Variants in GABRG3 observed in about 807,000 individuals in gnomAD.
GABRG3 encodes gamma-aminobutyric acid receptor subunit gamma-3.
In GABRG3, 25 loss-of-function variants were observed where a neutral mutation model predicts 48.8. That is an observed-to-expected ratio of 0.51 (90% CI 0.37 to 0.72). The LOEUF (loss-of-function observed/expected upper bound fraction) is 0.72. Ranked by LOEUF, GABRG3 falls within the 30% of genes least tolerant of loss-of-function variation. GABRG3 has a pLI of 0.00. For missense variants in GABRG3, 394 were observed against 577.9 expected (o/e 0.68, Z 3.26); for synonymous variants, 227 against 217.6 (o/e 1.04, Z -0.38).
At chr15:27,247,438 G>T (rs932380817) in intron 3 of GABRG3, among the ~76,000 whole-genome samples, 1 of 152,046 alleles carries the variant, frequency 6.6e-6, no homozygotes, top group African/African-American at 2.4e-5. Flanking sequence ...ACCTGGTGTG[G>T]CTGCAGCCAC....
chr15:27,251,534 C>T (rs529195868), intron 3 of GABRG3, among the ~76,000 whole-genome samples: 1 of 152,254 alleles, frequency 6.6e-6, no homozygotes, highest in African/African-American at 2.4e-5. Flanking sequence ...ATTCTTCATA[C>T]ATATAAGTAG....
intron 5 of GABRG3, among the ~76,000 whole-genome samples, chr15:27,333,132 A>G (rs1893854837): frequency 6.6e-6 from 1 of 152,220 alleles, no homozygotes; most frequent in South Asian, 2.1e-4. Context: ...CTTGGCCATA[A>G]TTGTGTATTT....
intron 3 of GABRG3, among the ~76,000 whole-genome samples, chr15:27,216,926 C>T (rs1250545482): frequency 7.1e-6 from 1 of 140,350 alleles, no homozygotes; most frequent in Non-Finnish European, 1.5e-5. Flanking sequence ...ATCCCTGCCC[C>T]CTCCCCCGAC....
intron 3 of GABRG3, among the ~76,000 whole-genome samples, chr15:27,169,156 A>G (rs936842925): frequency 5.3e-5 from 8 of 152,216 alleles, no homozygotes; most frequent in Non-Finnish European, 7.3e-5. Flanking sequence ...CACAGAAAAC[A>G]TACTTGTAGA....
At chr15:27,293,165 AGTTT>A in intron 3 of GABRG3, among the ~76,000 whole-genome samples, 1 of 152,280 alleles carries the variant, frequency 6.6e-6, no homozygotes. Flanking sequence ...AAATTTCCTT[AGTTT>A]GTTTCTACCA....
intron 3 of GABRG3, among the ~76,000 whole-genome samples, chr15:27,184,262 C>T (rs1484470609): frequency 6.6e-6 from 1 of 152,144 alleles, no homozygotes; most frequent in Non-Finnish European, 1.5e-5. Flanking sequence ...GCTGCTGTCT[C>T]CAGGCTGAGA....
intron 3 of GABRG3, among the ~76,000 whole-genome samples, chr15:27,207,366 A>T (rs1888888079): frequency 6.6e-6 from 1 of 152,248 alleles, no homozygotes; most frequent in African/African-American, 2.4e-5. Context: ...AGTGACTGAG[A>T]TAGGTCCAAG....
chr15:27,411,045 T>C (rs1251371662), intron 5 of GABRG3, among the ~76,000 whole-genome samples: 1 of 152,214 alleles, frequency 6.6e-6, no homozygotes, highest in African/African-American at 2.4e-5. Context: ...CACATGAGTA[T>C]GCCCTTATAG....
At chr15:27,181,206 G>A (rs2140416827) in intron 3 of GABRG3, among the ~76,000 whole-genome samples, 1 of 152,264 alleles carries the variant, frequency 6.6e-6, no homozygotes, top group Admixed American at 6.5e-5. Context: ...ACGAGCACAG[G>A]CAGTAGGGTA....
chr15:27,184,330 T>A (rs933212409), intron 3 of GABRG3, among the ~76,000 whole-genome samples: 1 of 152,190 alleles, frequency 6.6e-6, no homozygotes, highest in Admixed American at 6.5e-5. Flanking sequence ...AAAGGGTAAC[T>A]GGGACATTTG....
chr15:27,198,845 G>C (rs1888591305), intron 3 of GABRG3, among the ~76,000 whole-genome samples: 2 of 152,146 alleles, frequency 1.3e-5, no homozygotes, highest in Admixed American at 1.3e-4. Context: ...GTCCTTTGCA[G>C]GGACATGGAT....
At chr15:27,404,424 A>G (rs1016790120) in intron 5 of GABRG3, among the ~76,000 whole-genome samples, 5 of 152,130 alleles carry the variant, frequency 3.3e-5, no homozygotes, top group Admixed American at 6.5e-5. Context: ...GGATGCACCC[A>G]TCTGGCCCCT....
rs570173226 is a variant in GABRG3 at position 27,387,719 on chromosome 15, C to T, written c.574+58831C>T. The stretch of plus-strand genomic sequence containing the variant: ...AGGCAGGCCTCTGTCCCCCAGTCTC[C>T]ACAGACCCCAGCAGGGAGGGGGCCA... On this transcript the variant is annotated intron_variant, in intron 5 of 9. Transcript: ENST00000615808. Among the ~76,000 whole-genome samples, 6 of 148,134 alleles carry T rather than the reference C, an allele frequency of 4.1e-5. No individual in the cohort carries two copies. The East Asian group carries it at 1.2e-3, about 30-fold the overall frequency.
At chr15:27,006,317 T>C (rs929590290) in intron 2 of GABRG3, among the ~76,000 whole-genome samples, 1 of 152,132 alleles carries the variant, frequency 6.6e-6, no homozygotes, top group Non-Finnish European at 1.5e-5. Context: ...TTCTCGTGAC[T>C]CAGCCTCCCG....
At chr15:27,096,664 GA>G (rs911104606) in intron 3 of GABRG3, among the ~76,000 whole-genome samples, 14 of 152,058 alleles carry the variant, frequency 9.2e-5, no homozygotes, top group South Asian at 4.1e-4. Context: ...TTCAAATCTG[GA>G]ACCAGTTTCC....
chr15:27,111,209 T>C (rs1035735409), intron 3 of GABRG3, among the ~76,000 whole-genome samples: 44 of 152,346 alleles, frequency 2.9e-4, no homozygotes, highest in African/African-American at 9.6e-4. Context: ...TTCTTCATTT[T>C]TCTTGTGCGT....
intron 5 of GABRG3, among the ~76,000 whole-genome samples, chr15:27,471,419 C>T (rs1046746602): frequency 1.3e-5 from 2 of 152,226 alleles, no homozygotes; most frequent in African/African-American, 4.8e-5. Context: ...CATTTAACTA[C>T]ACCTACATCT....
intron 5 of GABRG3, among the ~76,000 whole-genome samples, chr15:27,448,405 G>A (rs952013499): frequency 2.6e-5 from 4 of 152,170 alleles, no homozygotes; most frequent in Admixed American, 6.5e-5. Context: ...GAGGAATCAC[G>A]TGTAAATGCA....
intron 3 of GABRG3, among the ~76,000 whole-genome samples, chr15:27,084,449 G>A (rs1897042469): frequency 2.0e-5 from 3 of 152,214 alleles, no homozygotes; most frequent in Admixed American, 1.3e-4. Context: ...AGATATGATG[G>A]AGATTGCCTC....
Sources: allele counts gnomAD v4.1 joint callset (sites outside exome capture counted in the v4.1 genomes callset), GRCh38; gene constraint gnomAD v4.1.1; transcripts MANE v1.5; gene names NCBI Gene and HGNC (gene_info 2026-07-23, HGNC 2026-07-21).